Variants in PLCG2 observed in about 807,000 individuals in gnomAD.
PLCG2 encodes phospholipase C gamma 2.
In PLCG2, 69 loss-of-function variants were observed where a neutral mutation model predicts 175.6. That is an observed-to-expected ratio of 0.39 (90% CI 0.32 to 0.48). The LOEUF (loss-of-function observed/expected upper bound fraction) is 0.48, where lower values mean the gene tolerates loss of function less well. Ranked by LOEUF, PLCG2 falls within the 20% of genes least tolerant of loss-of-function variation. The pLI, the probability that PLCG2 is intolerant of heterozygous loss-of-function variation, is 0.91. For synonymous variants in PLCG2, 827 were observed against 624.0 expected, an observed-to-expected ratio of 1.33 and a Z score of -4.85; for missense variants, 1,798 against 1,650.9, an observed-to-expected ratio of 1.09 and a Z score of -1.54.
chr16:81,884,665 T>A (rs915331998), intron 9 of PLCG2, among the ~76,000 whole-genome samples: 2 of 152,154 alleles, frequency 1.3e-5, no homozygotes, highest in Non-Finnish European at 2.9e-5. Context: ...AATTTTTGTT[T>A]ATATCATTGG....
At chr16:81,929,423 T>A (rs1290160355) in intron 24 of PLCG2, among the ~76,000 whole-genome samples, 3 of 152,182 alleles carry the variant, frequency 2.0e-5, no homozygotes, top group African/African-American at 4.8e-5. Context: ...CGCGATAGAG[T>A]CTCGCTGTGT....
At chr16:81,926,097 A>T (rs1003285409) in intron 22 of PLCG2, among the ~76,000 whole-genome samples, 11 of 152,106 alleles carry the variant, frequency 7.2e-5, no homozygotes, top group Non-Finnish European at 1.3e-4. Context: ...AGTGGGGGGA[A>T]GTTGGGTACC....
At chr16:81,854,891 A>G (rs1334950492) in intron 3 of PLCG2, among the ~76,000 whole-genome samples, 1 of 152,094 alleles carries the variant, frequency 6.6e-6, no homozygotes, top group Non-Finnish European at 1.5e-5. Context: ...TGATGATTAG[A>G]TAGTTTTAAC....
rs1263352770 is a variant in PLCG2 at position 81,962,678 on chromosome 16, T to C, written c.*4680T>C. ...CATTTTGAAAAATAAAAGTTTCATCTGAATGAATATAGCAATCTGCCCAGA... is the reference window on the plus strand; with the variant it reads ...CATTTTGAAAAATAAAAGTTTCATCCGAATGAATATAGCAATCTGCCCAGA... On this transcript the variant is annotated 3_prime_UTR_variant, in exon 33 of 33. Coordinates refer to ENST00000564138, the MANE Select transcript of PLCG2 (RefSeq NM_002661.5). 2.3e-5 allele frequency: 5 copies of C among 215,198 alleles called. No homozygotes were observed. Among genetic ancestry groups the C allele is most frequent in the Non-Finnish European group, 9.4e-6 (1 of 106,746 alleles). 13.3% of individuals were successfully genotyped at this position (215,198 alleles called of 1,614,324 possible).
upstream of PLCG2, among the ~76,000 whole-genome samples, chr16:81,776,106 C>CTTTCTTTCTTTCTTTCTTTCTTTCTTTCT (rs1910399088): frequency 5.0e-5 from 1 of 20,036 alleles, no homozygotes; most frequent in Non-Finnish European, 1.3e-4. Context: ...TCTTTTTTTC[C>CTTTCTTTCTTTCTTTCTTTCTTTCTTTCT]TTCTTTCTTT....
At chr16:81,927,043 C>T (rs1910302666) in intron 22 of PLCG2, 39 bp from the exon 23 acceptor site, 1 of 1,376,744 alleles carries the variant, frequency 7.3e-7, no homozygotes, top group African/African-American at 1.4e-5. Context: ...ATTCATGCCA[C>T]CTGGTGACAG....
rs1220307556 is a variant in PLCG2 at position 81,936,476 on chromosome 16, A to C, written c.3052+98A>C. The C allele has an allele frequency of 4.3e-6, 4 of 923,394 alleles. No individual in the cohort carries two copies. The South Asian group carries it at 5.5e-5, about 13-fold the overall frequency. The allele number at this position is 923,394 out of a possible 1,614,324, so 57.2% of individuals were successfully genotyped here. ...GGTCAGCGATACCATGTGGTGTCCA[A>C]GAATGAGTGATTTGTCCGAGGGACT... is the stretch of plus-strand genomic sequence containing the variant. On this transcript the variant is annotated intron_variant, in intron 27 of 32. Coordinates refer to ENST00000564138, the MANE Select transcript of PLCG2 (RefSeq NM_002661.5).
intron 5 of PLCG2, among the ~76,000 whole-genome samples, chr16:81,863,348 G>C (rs1907076447): frequency 6.6e-6 from 1 of 152,200 alleles, no homozygotes; most frequent in African/African-American, 2.4e-5. Context: ...ATGTCTCCAA[G>C]TTTCATCTGT....
At chr16:81,809,731 C>CTGAT (rs1904301328) in intron 2 of PLCG2, among the ~76,000 whole-genome samples, 1 of 150,212 alleles carries the variant, frequency 6.7e-6, no homozygotes. Flanking sequence ...CCTCTTGCCC[C>CTGAT]TGATTGGCTA....
At position 81,937,882 on chromosome 16, in the gene PLCG2, C is replaced by A; in HGVS notation, c.3177C>A (p.Ile1059=). ...TGCCACCCGAGTCCCAGAGGAAGATCCTGATGACGCTGACAGTCAAGGTAA... is the reference window on the plus strand; with the variant it reads ...TGCCACCCGAGTCCCAGAGGAAGATACTGATGACGCTGACAGTCAAGGTAA... The part of the protein sequence containing the change: ...DPMPPESQRK[I]LMTLTVKVLG... The change falls in exon 28 of 33, where the codon ATC becomes ATA. Residue 1059 remains isoleucine, a synonymous_variant. Coordinates refer to ENST00000564138, the MANE Select transcript of PLCG2 (RefSeq NM_002661.5). 6.2e-7 allele frequency: 1 copy of A among 1,614,112 alleles called. No individual in the cohort carries two copies. Among genetic ancestry groups the A allele is most frequent in the Non-Finnish European group, 8.5e-7 (1 of 1,179,982 alleles).
chr16:81,821,519 C>T (rs772468468), intron 2 of PLCG2, among the ~76,000 whole-genome samples: 12 of 152,152 alleles, frequency 7.9e-5, no homozygotes, highest in Non-Finnish European at 1.6e-4. Context: ...GTTGCCTCTT[C>T]TAAGATGGGT....
chr16:81,787,095 T>C (rs1293934930), intron 2 of PLCG2, among the ~76,000 whole-genome samples: 1 of 152,244 alleles, frequency 6.6e-6, no homozygotes, highest in African/African-American at 2.4e-5. Flanking sequence ...CATTCTTTCT[T>C]GGACACATGA....
intron 30 of PLCG2, among the ~76,000 whole-genome samples, chr16:81,943,195 T>G (rs1200724334): frequency 6.6e-6 from 1 of 152,218 alleles, no homozygotes; most frequent in African/African-American, 2.4e-5. Context: ...TATTAGTCCG[T>G]TCTCACACTG....
At chr16:81,932,265 G>C (rs1484070280) in intron 25 of PLCG2, among the ~76,000 whole-genome samples, 1 of 152,180 alleles carries the variant, frequency 6.6e-6, no homozygotes, top group East Asian at 1.9e-4. Context: ...GGCAGGGCTG[G>C]ACCCTGGGCA....
At chr16:81,808,110 C>T (rs1227134642) in intron 2 of PLCG2, among the ~76,000 whole-genome samples, 1 of 152,208 alleles carries the variant, frequency 6.6e-6, no homozygotes, top group Non-Finnish European at 1.5e-5. Flanking sequence ...CATTCATATG[C>T]AGGATTTTGT....
chr16:81,820,738 A>T (rs962058752), intron 2 of PLCG2, among the ~76,000 whole-genome samples: 14 of 152,262 alleles, frequency 9.2e-5, no homozygotes, highest in Admixed American at 9.2e-4. Context: ...CTCCCACCTC[A>T]GCCTCCTGAG....
Position 81,792,480 on chromosome 16 carries a change from C to CAAAAAAAAAAA in PLCG2, c.193+6319_193+6329dup, listed in dbSNP as rs532680550. ...TGGGTGACAGAGCAAGGCTCTGTCT[C>CAAAAAAAAAAA]AAAAAAAAAAAAAAAAAAAAAAAAA... On this transcript the variant is annotated intron_variant, in intron 2 of 32. Coordinates refer to ENST00000564138, the MANE Select transcript of PLCG2 (RefSeq NM_002661.5). Among the ~76,000 whole-genome samples the CAAAAAAAAAAA allele has an allele frequency of 8.8e-4, 62 of 70,148 alleles. 1 individual carries two copies. The highest frequency in any genetic ancestry group is 1.7e-3 in the African/African-American group (26 of 15,032). 46.0% of individuals were successfully genotyped at this position (70,148 alleles called of 152,430 possible). A position where few individuals can be genotyped will look rare whatever the true frequency, so the allele number is the denominator to read the frequency against.
intron 2 of PLCG2, chr16:81,767,996 T>A (rs947469706): frequency 1.3e-5 from 2 of 152,214 alleles, no homozygotes; most frequent in Non-Finnish European, 2.9e-5. Flanking sequence ...TTCAAGCGAT[T>A]CTCCTTCCTC....
chr16:81,776,527 C>T (rs930944382), upstream of PLCG2, among the ~76,000 whole-genome samples: 1 of 152,156 alleles, frequency 6.6e-6, no homozygotes, highest in African/African-American at 2.4e-5. Flanking sequence ...AGAGTCCTCC[C>T]AGAACAGCGC....
Sources: gnomAD v4.1 joint callset for allele counts (sites outside exome capture counted in the v4.1 genomes callset) on GRCh38, gnomAD v4.1.1 for gene constraint, MANE v1.5 for transcripts, NCBI Gene and HGNC (gene_info 2026-07-23, HGNC 2026-07-21) for gene names.